The following VAC14 variants were observed in gnomAD, a reference collection of about 807,000 sequenced individuals.
VAC14 encodes protein VAC14 homolog.
A neutral mutation model predicts 85.3 loss-of-function variants in VAC14; 47 were observed. The ratio of observed to expected loss-of-function variants is 0.55; its 90% confidence interval spans 0.44 to 0.70. The LOEUF is 0.70. Ranked by LOEUF, VAC14 falls within the 30% of genes least tolerant of loss-of-function variation. The probability of loss-of-function intolerance (pLI) is 0.00; values close to 1 mark genes in which losing one functional copy is unlikely to be tolerated. For synonymous variants in VAC14, 447 were observed against 430.5 expected (o/e 1.04, Z -0.47); for missense variants, 861 against 1,004.3 (o/e 0.86, Z 1.93).
chr16:70,799,572 C>T (rs1019151313), intron 1 of VAC14, among the ~76,000 whole-genome samples: 8 of 152,176 alleles, frequency 5.3e-5, no homozygotes, highest in African/African-American at 1.9e-4. Context: ...TGTCTGAAGA[C>T]ATTTTTGATT....
chr16:70,766,632 G>C (rs1597973086), intron 10 of VAC14: 2 of 411,724 alleles, frequency 4.9e-6, no homozygotes, highest in Non-Finnish European at 4.9e-6. Context: ...AGACCATGAG[G>C]CCATGTACCA....
intron 18 of VAC14, 164 bp from the exon 19 acceptor site, chr16:70,688,254 G>A (rs2053536143): frequency 1.6e-6 from 2 of 1,262,308 alleles, no homozygotes; most frequent in Admixed American, 4.0e-5. Context: ...CCCCAGAGCT[G>A]GGAAGCCCCT....
At chr16:70,768,355 C>T (rs975305009) in intron 10 of VAC14, 1 of 158,570 alleles carries the variant, frequency 6.3e-6, no homozygotes, top group Non-Finnish European at 1.4e-5. Context: ...GTTGGCTCCA[C>T]CAGGCAGAGC....
At chr16:70,721,682 G>C (rs1032242094) in intron 14 of VAC14, among the ~76,000 whole-genome samples, 1 of 152,094 alleles carries the variant, frequency 6.6e-6, no homozygotes, top group African/African-American at 2.4e-5. Context: ...CTCTGTCCCC[G>C]TCTGCTGCAT....
At chr16:70,783,661 AT>A in intron 5 of VAC14, 107 bp from the exon 6 acceptor site, 1 of 1,100,458 alleles carries the variant, frequency 9.1e-7, no homozygotes, top group Non-Finnish European at 1.4e-6. Flanking sequence ...CTGAGACAGC[AT>A]TTCCCTGCAG....
chr16:70,706,493 T>C (rs996929505), intron 14 of VAC14, among the ~76,000 whole-genome samples: 3 of 152,178 alleles, frequency 2.0e-5, no homozygotes, highest in Non-Finnish European at 2.9e-5. Flanking sequence ...TCACTGACCA[T>C]GCACAGAGGG....
chr16:70,748,838 C>T (rs995141888), intron 12 of VAC14, among the ~76,000 whole-genome samples: 4 of 152,142 alleles, frequency 2.6e-5, no homozygotes, highest in East Asian at 1.9e-4. Context: ...CCTAGCTACT[C>T]GGGAGGCTGA....
intron 1 of VAC14, among the ~76,000 whole-genome samples, chr16:70,791,249 CCCTG>C (rs1404052421): frequency 1.3e-5 from 2 of 152,230 alleles, no homozygotes; most frequent in African/African-American, 4.8e-5. Flanking sequence ...AAATCCAACC[CCCTG>C]CCTTTCCTGA....
intron 14 of VAC14, among the ~76,000 whole-genome samples, chr16:70,728,556 G>A (rs1478173132): frequency 2.0e-5 from 3 of 152,228 alleles, no homozygotes; most frequent in Admixed American, 2.0e-4. Context: ...CATGGCAGTG[G>A]GCTGGCCTCC....
rs1567606639 is a variant in VAC14 at position 70,786,052 on chromosome 16, G to A, written c.255+163C>T. The stretch of plus-strand genomic sequence containing the variant: ...GGGCCCATGCCTAGGGGACCAGGCT[G>A]CAAGGCCGCAAAGCCAGCCTTGCTG... On this transcript the variant is annotated intron_variant, in intron 2 of 18. Transcript: ENST00000261776. The A allele has an allele frequency of 3.6e-6, 5 of 1,381,480 alleles. No homozygotes were observed. The East Asian group carries it at 7.0e-5, about 19-fold the overall frequency. 85.6% of individuals were successfully genotyped at this position (1,381,480 alleles called of 1,614,324 possible).
chr16:70,706,379 G>A (rs1004152473), intron 14 of VAC14, among the ~76,000 whole-genome samples: 16 of 152,254 alleles, frequency 1.1e-4, no homozygotes, highest in African/African-American at 3.4e-4. Context: ...AGGGCAACAG[G>A]CTTCAGGTGC....
At chr16:70,730,757 C>G (rs889679216) in intron 14 of VAC14, among the ~76,000 whole-genome samples, 1 of 152,064 alleles carries the variant, frequency 6.6e-6, no homozygotes, top group African/African-American at 2.4e-5. Flanking sequence ...ACCACCACAC[C>G]TGGCTAATTT....
At chr16:70,695,517 C>A in intron 17 of VAC14, 27 bp downstream of exon 17, 1 of 1,611,824 alleles carries the variant, frequency 6.2e-7, no homozygotes, top group Admixed American at 1.7e-5. Flanking sequence ...ACTCATGGCG[C>A]GAGGTGTGGT....
chr16:70,793,636 A>C (rs2034428894), intron 1 of VAC14, among the ~76,000 whole-genome samples: 1 of 152,184 alleles, frequency 6.6e-6, no homozygotes, highest in Non-Finnish European at 1.5e-5. Flanking sequence ...CCTATGTCCC[A>C]ACCTCTGTCC....
At chr16:70,735,327 T>C (rs2054716147) in intron 13 of VAC14, among the ~76,000 whole-genome samples, 1 of 121,440 alleles carries the variant, frequency 8.2e-6, no homozygotes, top group Non-Finnish European at 1.6e-5. Context: ...ATGTGGAGGA[T>C]CTGGGAACCA....
intron 12 of VAC14, among the ~76,000 whole-genome samples, chr16:70,757,511 G>C (rs1026311718): frequency 6.6e-6 from 1 of 152,230 alleles, no homozygotes; most frequent in Non-Finnish European, 1.5e-5. Context: ...CAAATGCACA[G>C]AAGGCCAGTC....
In VAC14 at chr16:70,782,964, G is replaced by C. The variant is rs532525567; in HGVS notation, c.811+69C>G. The C allele has an allele frequency of 3.1e-5, 43 of 1,387,324 alleles. No homozygotes were observed. The East Asian group carries it at 8.2e-4, about 27-fold the overall frequency. The allele number at this position is 1,387,324 out of a possible 1,614,324, so 85.9% of individuals were successfully genotyped here. A position where few individuals can be genotyped will look rare whatever the true frequency, so the allele number is the denominator to read the frequency against. On this transcript the variant is annotated intron_variant, in intron 7 of 18. Coordinates refer to ENST00000261776, the MANE Select transcript of VAC14 (RefSeq NM_018052.5). ...TCACTGAAGCTGAGATGGTGAAAGG[G>C]GCTTCTGCAGAGGTGGCAGTGGCAG...
At chr16:70,780,667 T>A (rs1363862963) in intron 9 of VAC14, 123 bp downstream of exon 9, 1 of 1,263,944 alleles carries the variant, frequency 7.9e-7, no homozygotes. Context: ...GCTGCTACAA[T>A]TGTGTGAGTG....
Position 70,796,030 on chromosome 16 carries a change from C to T in VAC14, c.104+4767G>A, listed in dbSNP as rs552538174. On this transcript the variant is annotated intron_variant, in intron 1 of 18. Transcript: ENST00000261776. ...TGGCATCTTCCCACCCTTTTCATTA[C>T]GACTGATCAATGACTATATTAAAAT... 1.5e-4 allele frequency among the ~76,000 whole-genome samples: 23 copies of T among 152,260 alleles called. 2 individuals carry two copies. The South Asian group carries it at 3.9e-3, about 26-fold the overall frequency.
Sources: gnomAD v4.1 joint callset for allele counts (sites outside exome capture counted in the v4.1 genomes callset) on GRCh38, gnomAD v4.1.1 for gene constraint, MANE v1.5 for transcripts, NCBI Gene and HGNC (gene_info 2026-07-23, HGNC 2026-07-21) for gene names.